PRSS23: variants seen among roughly 807,000 people sequenced by gnomAD.
PRSS23 encodes serine protease 23.
PRSS23 carries 25 observed loss-of-function variants against 34.7 expected under a neutral mutation model. The observed-to-expected ratio is 0.72, with a 90% confidence interval of 0.53 to 1.01. The LOEUF is 1.01. Among genes scored for constraint, PRSS23 ranks in the 50% least tolerant of loss-of-function variants. The probability of loss-of-function intolerance (pLI) is 0.00; values close to 1 mark genes in which losing one functional copy is unlikely to be tolerated. For synonymous variants in PRSS23, 176 were observed against 186.6 expected (o/e 0.94, Z 0.46); for missense variants, 445 against 475.6 (o/e 0.94, Z 0.60).
intron 2 of PRSS23, chr11:86,910,999 T>C (rs1318969585): frequency 6.6e-6 from 1 of 152,180 alleles, no homozygotes. Flanking sequence ...TGTATGATTT[T>C]TATAATAAGA....
At chr11:86,924,503 G>A (rs1207191926) in intron 2 of PRSS23, among the ~76,000 whole-genome samples, 6 of 152,190 alleles carry the variant, frequency 3.9e-5, no homozygotes, top group Admixed American at 3.3e-4. Context: ...AAGATACTGC[G>A]CTTGCATTGG....
At chr11:86,945,006 C>T (rs546805551) in intron 2 of PRSS23, among the ~76,000 whole-genome samples, 184 of 152,286 alleles carry the variant, frequency 1.2e-3, no homozygotes, top group Middle Eastern at 3.4e-3. Flanking sequence ...CTCTCCTTCC[C>T]TCTGTATGTG....
At chr11:86,880,537 G>C (rs1308886888) in intron 2 of PRSS23, among the ~76,000 whole-genome samples, 1 of 152,058 alleles carries the variant, frequency 6.6e-6, no homozygotes, top group Non-Finnish European at 1.5e-5. Flanking sequence ...AGAATGTGCA[G>C]GTTTGTTACA....
chr11:86,828,502 T>C (rs1435428980), intron 2 of PRSS23, among the ~76,000 whole-genome samples: 2 of 152,152 alleles, frequency 1.3e-5, no homozygotes, highest in African/African-American at 4.8e-5. Context: ...ACATTTAAAG[T>C]TAATATTGTT....
intron 2 of PRSS23, chr11:86,892,096 C>T (rs1331116590): frequency 6.6e-6 from 1 of 152,266 alleles, no homozygotes; most frequent in Non-Finnish European, 1.5e-5. Context: ...AAGACCCGGG[C>T]TTTCACATCA....
chr11:86,871,339 C>A (rs1394705538), intron 2 of PRSS23, among the ~76,000 whole-genome samples: 2 of 152,212 alleles, frequency 1.3e-5, no homozygotes, highest in Non-Finnish European at 2.9e-5. Context: ...TCTCCAAGCA[C>A]TGTGTGACCT....
intron 2 of PRSS23, among the ~76,000 whole-genome samples, chr11:86,845,858 A>G (rs186564368): frequency 6.6e-6 from 1 of 152,152 alleles, no homozygotes; most frequent in Non-Finnish European, 1.5e-5. Context: ...CCAATTTCTT[A>G]TAAAAGTACT....
At chr11:86,866,311 T>C (rs919003556) in intron 2 of PRSS23, among the ~76,000 whole-genome samples, 8 of 152,032 alleles carry the variant, frequency 5.3e-5, no homozygotes, top group Admixed American at 4.6e-4. Context: ...GATACAACCG[T>C]AATGCTCTGA....
At chr11:86,805,251 G>A (rs1948086672) in intron 1 of PRSS23, among the ~76,000 whole-genome samples, 1 of 152,152 alleles carries the variant, frequency 6.6e-6, no homozygotes, top group South Asian at 2.1e-4. Context: ...AAGCCCAAGG[G>A]ATGACTCCTT....
At chr11:86,933,685 T>C (rs1949141607) in intron 2 of PRSS23, 2 of 152,186 alleles carry the variant, frequency 1.3e-5, no homozygotes, top group Admixed American at 1.3e-4. Flanking sequence ...TGCGGCTCAG[T>C]GAGGCTGAGA....
intron 2 of PRSS23, chr11:86,857,410 A>C: frequency 3.1e-6 from 1 of 324,668 alleles, no homozygotes; most frequent in Non-Finnish European, 5.9e-6. Context: ...TAAAATACAT[A>C]ATATGTTATT....
chr11:86,842,039 T>C (rs550131736), intron 2 of PRSS23, among the ~76,000 whole-genome samples: 1 of 152,312 alleles, frequency 6.6e-6, no homozygotes, highest in African/African-American at 2.4e-5. Context: ...CTCAGTAAGA[T>C]ACTGGCAAAC....
At chr11:86,853,135 C>T (rs923483137) in intron 2 of PRSS23, among the ~76,000 whole-genome samples, 2 of 148,856 alleles carry the variant, frequency 1.3e-5, no homozygotes, top group African/African-American at 2.5e-5. Context: ...GTTACAGGTG[C>T]GAGCCACTGA....
chr11:86,872,011 C>A (rs911622466), intron 2 of PRSS23, among the ~76,000 whole-genome samples: 3 of 152,206 alleles, frequency 2.0e-5, no homozygotes, highest in African/African-American at 7.2e-5. Flanking sequence ...AAAGCATGGG[C>A]TCTGGAATCA....
At chr11:86,934,399 C>T (rs758357112) in intron 2 of PRSS23, 1 of 151,734 alleles carries the variant, frequency 6.6e-6, no homozygotes, top group Non-Finnish European at 1.5e-5. Flanking sequence ...CTTTTTTCTA[C>T]ATTTTCACCT....
chr11:86,797,121 T>C (rs1189112598), upstream of PRSS23, among the ~76,000 whole-genome samples: 1 of 152,220 alleles, frequency 6.6e-6, no homozygotes, highest in African/African-American at 2.4e-5. Context: ...CCTGAATGCA[T>C]TTTGAACAAC....
rs577289803 is a variant in PRSS23 at position 86,826,300 on chromosome 11, T to C, written c.206+2707T>C. Among the ~76,000 whole-genome samples, 186 of 152,074 alleles carry C rather than the reference T, an allele frequency of 1.2e-3. 1 individual carries two copies. The highest frequency in any genetic ancestry group is 4.3e-3 in the African/African-American group (176 of 41,298). ...ATGATTTGGCTCTCTGTTTGTCTGTTATTTGTGTATAAGAATGCTTGTGAT... is the reference window on the plus strand; with the variant it reads ...ATGATTTGGCTCTCTGTTTGTCTGTCATTTGTGTATAAGAATGCTTGTGAT... On this transcript the variant is annotated intron_variant, in intron 2 of 2. Coordinates refer to the PRSS23 transcript ENST00000533902.
intron 2 of PRSS23, among the ~76,000 whole-genome samples, chr11:86,829,539 G>A (rs187183933): frequency 1.5e-3 from 232 of 152,316 alleles, no homozygotes; most frequent in Non-Finnish European, 2.8e-3. Context: ...GAGAAGCTGC[G>A]TTCCTTTGGA....
chr11:86,800,880 C>T (rs1416114231), intron 1 of PRSS23, among the ~76,000 whole-genome samples: 2 of 152,096 alleles, frequency 1.3e-5, no homozygotes, highest in African/African-American at 4.8e-5. Flanking sequence ...CATGCAGTGT[C>T]ACCCATGAAA....
Sources: gnomAD v4.1 joint callset for allele counts (sites outside exome capture counted in the v4.1 genomes callset) on GRCh38, gnomAD v4.1.1 for gene constraint, MANE v1.5 for transcripts, NCBI Gene and HGNC (gene_info 2026-07-23, HGNC 2026-07-21) for gene names.